The following PELI2 variants were observed in gnomAD, a reference collection of about 807,000 sequenced individuals.
PELI2 encodes E3 ubiquitin-protein ligase pellino homolog 2.
Under a neutral mutation model 42.3 loss-of-function variants are expected in PELI2, and 23 were observed. The ratio of observed to expected loss-of-function variants is 0.54; its 90% CI spans 0.39 to 0.77. The LOEUF (loss-of-function observed/expected upper bound fraction) is 0.77, where lower values mean the gene tolerates loss of function less well. PELI2 is among the 30% of genes least tolerant of loss of function. PELI2 has a pLI of 0.00. For missense variants in PELI2, 463 were observed against 553.2 expected (o/e 0.84, Z 1.64); for synonymous variants, 245 against 212.2 (o/e 1.15, Z -1.34).
chr14:56,301,444 A>G lies in PELI2; in HGVS notation c.*4278A>G, dbSNP rs1460893371. The G allele has an allele frequency of 6.6e-6, 1 of 152,506 alleles. No homozygotes were observed. The highest frequency in any genetic ancestry group is 6.5e-5 in the Admixed American group (1 of 15,284). 9.4% of individuals were successfully genotyped at this position (152,506 alleles called of 1,614,324 possible). A position where few individuals can be genotyped will look rare whatever the true frequency, so the allele number is the denominator to read the frequency against. On this transcript the variant is annotated 3_prime_UTR_variant, in exon 6 of 6. Coordinates refer to ENST00000267460, the MANE Select transcript of PELI2 (RefSeq NM_021255.3). ...AGCTGTTGAGTTTATTAATTGTTTT[A>G]TATTCTGCACAATACATATTTAAAC...
intron 2 of PELI2, among the ~76,000 whole-genome samples, chr14:56,221,214 A>G (rs1566646027): frequency 6.6e-6 from 1 of 152,170 alleles, no homozygotes; most frequent in East Asian, 1.9e-4. Context: ...GGGCCTACCT[A>G]AGGAGGATCT....
chr14:56,268,168 G>A (rs1159466672), intron 2 of PELI2, among the ~76,000 whole-genome samples: 1 of 152,138 alleles, frequency 6.6e-6, no homozygotes, highest in Non-Finnish European at 1.5e-5. Context: ...ACTAGTAAGT[G>A]CATTTTTGAA....
chr14:56,164,637 G>A (rs1204349053), intron 1 of PELI2, among the ~76,000 whole-genome samples: 2 of 152,054 alleles, frequency 1.3e-5, no homozygotes, highest in South Asian at 2.1e-4. Context: ...TTAAATGCTT[G>A]GTAGAATTCA....
chr14:56,123,386 A>G (rs1883134438), intron 1 of PELI2, among the ~76,000 whole-genome samples: 1 of 152,204 alleles, frequency 6.6e-6, no homozygotes. Flanking sequence ...AAGGTCTTTG[A>G]ACTTTAAAAA....
chr14:56,151,105 C>T (rs576765766), intron 1 of PELI2, among the ~76,000 whole-genome samples: 4 of 152,326 alleles, frequency 2.6e-5, no homozygotes, highest in East Asian at 1.9e-4. Context: ...GCTTCTGACC[C>T]GTGTTCTGAC....
chr14:56,234,462 G>A (rs1167842475), intron 2 of PELI2, among the ~76,000 whole-genome samples: 4 of 152,174 alleles, frequency 2.6e-5, no homozygotes, highest in African/African-American at 4.8e-5. Context: ...GGACATGGGT[G>A]AAGCTGGAAA....
At chr14:56,247,421 G>A (rs949554255) in intron 2 of PELI2, among the ~76,000 whole-genome samples, 3 of 152,240 alleles carry the variant, frequency 2.0e-5, no homozygotes, top group African/African-American at 7.2e-5. Flanking sequence ...GTGGTGCAGG[G>A]GACTGCTTGA....
intron 1 of PELI2, among the ~76,000 whole-genome samples, chr14:56,165,652 T>C (rs896174390): frequency 6.6e-6 from 1 of 152,222 alleles, no homozygotes; most frequent in Non-Finnish European, 1.5e-5. Context: ...ATCTTCTGTT[T>C]GGAAGATCTG....
intron 2 of PELI2, among the ~76,000 whole-genome samples, chr14:56,181,059 C>G (rs1199695154): frequency 6.6e-6 from 1 of 152,176 alleles, no homozygotes; most frequent in East Asian, 1.9e-4. Flanking sequence ...TACTTTAACT[C>G]TTTCAGTTTC....
At chr14:56,175,428 C>T (rs1885337009) in intron 1 of PELI2, among the ~76,000 whole-genome samples, 1 of 152,258 alleles carries the variant, frequency 6.6e-6, no homozygotes, top group Admixed American at 6.5e-5. Context: ...TTCTCTCCTT[C>T]TGAGCAGAGA....
rs915231570 is a variant in PELI2, at chr14:56,299,891, T to C, written c.*2725T>C. On this transcript the variant is annotated 3_prime_UTR_variant, in exon 6 of 6. Transcript: ENST00000267460. ...TAGAAATATTTTTCAGTTGTTTATGTCGTTTACTACAAAAAAAAAGATTCA... is the reference window on the plus strand; with the variant it reads ...TAGAAATATTTTTCAGTTGTTTATGCCGTTTACTACAAAAAAAAAGATTCA... 1.3e-5 allele frequency: 2 copies of C among 150,512 alleles called. No homozygotes were observed. Among genetic ancestry groups the C allele is most frequent in the African/African-American group, 2.4e-5 (1 of 41,352 alleles). 9.3% of individuals were successfully genotyped at this position (150,512 alleles called of 1,614,324 possible).
chr14:56,163,175 C>G (rs1884828731), intron 1 of PELI2, among the ~76,000 whole-genome samples: 1 of 151,940 alleles, frequency 6.6e-6, no homozygotes, highest in Non-Finnish European at 1.5e-5. Flanking sequence ...GGAGATTTTC[C>G]CCAGTGTTTG....
intron 5 of PELI2, among the ~76,000 whole-genome samples, chr14:56,291,135 G>A (rs901873761): frequency 6.6e-6 from 1 of 152,094 alleles, no homozygotes; most frequent in Non-Finnish European, 1.5e-5. Flanking sequence ...TAGCCATGTA[G>A]CACAGCCACT....
intron 2 of PELI2, among the ~76,000 whole-genome samples, chr14:56,243,341 C>T (rs993823720): frequency 4.3e-4 from 66 of 152,202 alleles, no homozygotes; most frequent in Admixed American, 1.2e-3. Flanking sequence ...GTTGGGATGA[C>T]GTTATTGCAG....
intron 4 of PELI2, 37 bp from the exon 5 acceptor site, chr14:56,290,231 T>G (rs1255824719): frequency 6.9e-6 from 10 of 1,453,656 alleles, no homozygotes; most frequent in Admixed American, 2.1e-5. Context: ...CAACATCATC[T>G]TAACCTACTT....
At chr14:56,222,886 G>A (rs981544323) in intron 2 of PELI2, among the ~76,000 whole-genome samples, 8 of 152,198 alleles carry the variant, frequency 5.3e-5, no homozygotes, top group Non-Finnish European at 1.0e-4. Context: ...TGTTGTAGGT[G>A]GGGTAGAGTG....
intron 1 of PELI2, among the ~76,000 whole-genome samples, chr14:56,127,589 AAG>A (rs1262522138): frequency 6.6e-6 from 1 of 152,244 alleles, no homozygotes; most frequent in Non-Finnish European, 1.5e-5. Flanking sequence ...CAGTTTACAA[AAG>A]AGAGACAAAA....
chr14:56,198,336 TGA>T (rs1886214574), intron 2 of PELI2, among the ~76,000 whole-genome samples: 1 of 152,262 alleles, frequency 6.6e-6, no homozygotes, highest in South Asian at 2.1e-4. Context: ...GATTTAGGAC[TGA>T]GCATTGGTGA....
At chr14:56,250,871 T>C (rs1170958795) in intron 2 of PELI2, among the ~76,000 whole-genome samples, 3 of 152,154 alleles carry the variant, frequency 2.0e-5, no homozygotes, top group Admixed American at 6.5e-5. Flanking sequence ...AGAAAGCCTG[T>C]GCAAGTGATT....
Sources: allele counts gnomAD v4.1 joint callset (sites outside exome capture counted in the v4.1 genomes callset), GRCh38; gene constraint gnomAD v4.1.1; transcripts MANE v1.5; gene names NCBI Gene and HGNC (gene_info 2026-07-23, HGNC 2026-07-21).